The following IQCH variants were observed in gnomAD, a reference collection of about 807,000 sequenced individuals.
IQCH encodes the protein IQ domain-containing protein H.
In IQCH, 98 loss-of-function variants were observed where a neutral mutation model predicts 117.0. The ratio of observed to expected loss-of-function variants is 0.84; its 90% confidence interval spans 0.71 to 0.99. The LOEUF (loss-of-function observed/expected upper bound fraction) is 0.99. Ranked by LOEUF, IQCH falls within the 50% of genes least tolerant of loss-of-function variation. IQCH has a pLI of 0.00. For synonymous variants in IQCH, 412 were observed against 448.2 expected, an observed-to-expected ratio of 0.92 and a Z score of 1.02; for missense variants, 1,102 against 1,243.8, an observed-to-expected ratio of 0.89 and a Z score of 1.72.
At position 67,423,363 on chromosome 15, in the gene IQCH, C is replaced by T. The variant is rs182117294; in HGVS notation, c.2505+1786C>T. On this transcript the variant is annotated intron_variant, in intron 16 of 20. Transcript: ENST00000335894. ...GGCAGATCACTTGACCCCAGGAGTT[C>T]AGGACCAGCCTGGGCAACATAATGG... Among the ~76,000 whole-genome samples the T allele has an allele frequency of 2.0e-5, 3 of 152,078 alleles. No homozygotes were observed. The East Asian group carries it at 5.8e-4, about 29-fold the overall frequency.
intron 3 of IQCH, among the ~76,000 whole-genome samples, chr15:67,276,832 T>C (rs899441940): frequency 6.6e-6 from 1 of 152,184 alleles, no homozygotes; most frequent in African/African-American, 2.4e-5. Context: ...TTCTGGTCAG[T>C]GTTCTCTGAA....
chr15:67,263,290 C>T, intron 3 of IQCH, 74 bp downstream of exon 3: 1 of 759,388 alleles, frequency 1.3e-6, no homozygotes. Flanking sequence ...AGTGAGATGA[C>T]TATAAAATAT....
Position 67,406,394 on chromosome 15 carries a change from T to C in IQCH, c.2097+6089T>C, listed in dbSNP as rs2140881789. On this transcript the variant is annotated intron_variant, in intron 14 of 20. Transcript: ENST00000335894. This position sits in a 1 kb window ranked among gnomAD's most constrained non-coding sequence, Gnocchi z 4.5. ...ACAAAAAATTTAAAAATTAGGTGTG[T>C]GCCTGTAGTTCCAGCTACTTAGGAG... 1 of 152,234 alleles carries C rather than the reference T, an allele frequency of 6.6e-6. No individual in the cohort carries two copies. Among genetic ancestry groups the C allele is most frequent in the East Asian group, 1.9e-4 (1 of 5,168 alleles). 9.4% of individuals were successfully genotyped at this position (152,234 alleles called of 1,614,324 possible).
rs369359029 is a variant in IQCH, at chr15:67,388,989, G to A, written c.1615G>A (p.Ala539Thr). The A allele has an allele frequency of 3.9e-5, 63 of 1,613,348 alleles. No individual in the cohort carries two copies. The African/African-American group carries it at 5.9e-4, about 15-fold the overall frequency. Reference protein sequence around the residue: ...QDRFKIITPEAVNIFPKHHMC... With the variant: ...QDRFKIITPETVNIFPKHHMC... ...CAGGTTCAAAATTATCACACCTGAA[G>A]CTGTAAACATCTTCCCTGTGAGTTT... The change falls in exon 12 of 21, where the codon GCT becomes ACT. Residue 539 changes from alanine (A) to threonine (T), a missense_variant. Around this residue, in one of 2 missense-constraint regions of IQCH, gnomAD observed 650 missense variants for 794.3 expected, o/e 0.82. Transcript: ENST00000335894. This position sits in a 1 kb window ranked among gnomAD's most constrained non-coding sequence, Gnocchi z 5.5.
At chr15:67,321,518 TTTC>T (rs1968131231) in intron 4 of IQCH, among the ~76,000 whole-genome samples, 5 of 143,378 alleles carry the variant, frequency 3.5e-5, no homozygotes, top group Admixed American at 1.3e-4. Flanking sequence ...TTTCTTTTTC[TTTC>T]TTTCTTTCTT....
Position 67,356,712 on chromosome 15 carries a change from G to A in IQCH, c.638-633G>A, listed in dbSNP as rs2140733465. On this transcript the variant is annotated intron_variant, in intron 6 of 20. Coordinates refer to ENST00000335894, the MANE Select transcript of IQCH (RefSeq NM_001031715.3). This position sits in a 1 kb window ranked among gnomAD's most constrained non-coding sequence, Gnocchi z 5.3. ...TTCTCCCCTGAGAATGTCAGACTTG[G>A]GCTTTTGGTAAAGGGCAGTCAGGTT... 2.6e-5 allele frequency among the ~76,000 whole-genome samples: 4 copies of A among 152,210 alleles called. 1 individual carries two copies. Among genetic ancestry groups the A allele is most frequent in the Middle Eastern group, 6.8e-3 (2 of 294 alleles).
Position 67,400,491 on chromosome 15 carries a change from C to CTTTTCTTTTTTTTTTTTTTTTTTTTTT in IQCH, c.2097+190_2097+191insCTTTTTTTTTTTTTTTTTTTTTTTTTT, listed in dbSNP as rs776111763. ...TGGGATTGACTGAGTTCTTTTTTTT[C>CTTTTCTTTTTTTTTTTTTTTTTTTTTT]TTTTTTTTTTTGAGATGGGGCCTCA... On this transcript the variant is annotated intron_variant, in intron 14 of 20. Transcript: ENST00000335894. Among the ~76,000 whole-genome samples, 7 of 115,594 alleles carry CTTTTCTTTTTTTTTTTTTTTTTTTTTT rather than the reference C, an allele frequency of 6.1e-5. 1 individual carries two copies. The highest frequency in any genetic ancestry group is 8.6e-5 in the Non-Finnish European group (5 of 57,978). 75.8% of individuals were successfully genotyped at this position (115,594 alleles called of 152,430 possible). A position where few individuals can be genotyped will look rare whatever the true frequency, so the allele number is the denominator to read the frequency against.
chr15:67,415,385 G>A (rs1177058576), intron 14 of IQCH, among the ~76,000 whole-genome samples: 1 of 152,164 alleles, frequency 6.6e-6, no homozygotes, highest in East Asian at 1.9e-4. Context: ...GTCCTGAGCT[G>A]AGTGTGAGCC....
chr15:67,416,943 G>T lies in IQCH; in HGVS notation c.2110G>T (p.Val704Leu), dbSNP rs765947042. 1.3e-6 allele frequency: 2 copies of T among 1,598,778 alleles called. No homozygotes were observed. The change falls in exon 15 of 21, where the codon GTG (valine) becomes TTG (leucine). Residue 704 changes from valine (V) to leucine (L), a missense_variant. Val to Leu is a conservative substitution (Grantham distance 32). Coordinates refer to ENST00000335894, the MANE Select transcript of IQCH (RefSeq NM_001031715.3). The surrounding 1 kb of genome is among the most constrained non-coding windows in gnomAD (Gnocchi z 5.1). ...RKKWAQEPAL[V>L]KISEELAGIL... ...TTTGTTTCTGCAGGAGCCAGCTTTG[G>T]TGAAGATCTCTGAGGAGCTGGCGGG...
intron 4 of IQCH, among the ~76,000 whole-genome samples, chr15:67,310,780 A>C (rs1967552794): frequency 6.6e-6 from 1 of 152,212 alleles, no homozygotes; most frequent in South Asian, 2.1e-4. Context: ...GATAAAAGTC[A>C]ACAATGAAGC....
chr15:67,449,858 C>T (rs2082476557), intron 16 of IQCH, among the ~76,000 whole-genome samples: 1 of 152,176 alleles, frequency 6.6e-6, no homozygotes, highest in African/African-American at 2.4e-5. Flanking sequence ...TACCCATGAG[C>T]ATGGAATGTT....
In IQCH at chr15:67,494,430, C is replaced by T. The variant is rs2083750410; in HGVS notation, c.2970+64C>T. On this transcript the variant is annotated intron_variant, in intron 20 of 20. Transcript: ENST00000335894. The surrounding 1 kb of genome is among the most constrained non-coding windows in gnomAD (Gnocchi z 5.5). ...ATACAAGGGCTGAAAATACCTCATGCTGTATTGTAAACAAGTGCTAAACCA... is the reference window on the plus strand; with the variant it reads ...ATACAAGGGCTGAAAATACCTCATGTTGTATTGTAAACAAGTGCTAAACCA... The T allele has an allele frequency of 9.0e-7, 1 of 1,110,040 alleles. No individual in the cohort carries two copies. Among genetic ancestry groups the T allele is most frequent in the East Asian group, 2.4e-5 (1 of 41,516 alleles). The allele number at this position is 1,110,040 out of a possible 1,614,324, so 68.8% of individuals were successfully genotyped here.
chr15:67,321,748 C>G (rs1297000672), intron 4 of IQCH, among the ~76,000 whole-genome samples: 1 of 152,148 alleles, frequency 6.6e-6, no homozygotes, highest in African/African-American at 2.4e-5. Context: ...ATTGAATCAA[C>G]CAATCTCAGC....
chr15:67,444,517 A>C (rs1296597372), intron 16 of IQCH, among the ~76,000 whole-genome samples: 2 of 152,218 alleles, frequency 1.3e-5, no homozygotes, highest in Non-Finnish European at 2.9e-5. Flanking sequence ...TACCAGGCAA[A>C]AACCTGCATC....
chr15:67,329,635 T>G (rs1423486503), intron 4 of IQCH, among the ~76,000 whole-genome samples: 1 of 151,806 alleles, frequency 6.6e-6, no homozygotes, highest in African/African-American at 2.4e-5. Flanking sequence ...GCCCAGATAA[T>G]TTTTTTTATT....
At position 67,380,500 on chromosome 15, in the gene IQCH, C is replaced by A. The variant is rs146033806; in HGVS notation, c.1373-4436C>A. 5.4e-3 allele frequency among the ~76,000 whole-genome samples: 815 copies of A among 152,318 alleles called. 2 individuals carry two copies. Among genetic ancestry groups the A allele is most frequent in the Non-Finnish European group, 9.4e-3 (640 of 68,026 alleles). ...AACCCACCTTCTTGCTTTCTAGTAT[C>A]TTGTGCTTTCACACTTGCATAAGTA... On this transcript the variant is annotated intron_variant, in intron 10 of 20. Coordinates refer to ENST00000335894, the MANE Select transcript of IQCH (RefSeq NM_001031715.3).
chr15:67,430,094 G>A lies in IQCH; in HGVS notation c.2505+8517G>A, dbSNP rs2081987843. On this transcript the variant is annotated intron_variant, in intron 16 of 20. Transcript: ENST00000335894. The surrounding 1 kb of genome is among the most constrained non-coding windows in gnomAD (Gnocchi z 5.1). ...GTACCCTAGAAATGGGGAAATTCTA[G>A]GCCTTCAGAGATGGCACGCAGAGTA... Among the ~76,000 whole-genome samples, 1 of 152,104 alleles carries A rather than the reference G, an allele frequency of 6.6e-6. No individual in the cohort carries two copies. Among genetic ancestry groups the A allele is most frequent in the African/African-American group, 2.4e-5 (1 of 41,420 alleles).
chr15:67,442,869 C>G lies in IQCH; in HGVS notation c.2505+21292C>G, dbSNP rs199903640. ...ATAGATAGATAGATAGATAGATATA[C>G]ATATATATATATATAAAATACATAT... On this transcript the variant is annotated intron_variant, in intron 16 of 20. Coordinates refer to ENST00000335894, the MANE Select transcript of IQCH (RefSeq NM_001031715.3). Among the ~76,000 whole-genome samples, 943 of 130,176 alleles carry G rather than the reference C, an allele frequency of 7.2e-3. 3 individuals carry two copies. Among genetic ancestry groups the G allele is most frequent in the East Asian group, 0.019 (86 of 4,462 alleles). 85.4% of individuals were successfully genotyped at this position (130,176 alleles called of 152,430 possible). A position where few individuals can be genotyped will look rare whatever the true frequency, so the allele number is the denominator to read the frequency against.
intron 4 of IQCH, among the ~76,000 whole-genome samples, chr15:67,291,776 G>A (rs1024225699): frequency 6.6e-6 from 1 of 152,172 alleles, no homozygotes; most frequent in Non-Finnish European, 1.5e-5. Flanking sequence ...ATAGATTGGA[G>A]AGAAGAGAAT....
Sources: allele counts gnomAD v4.1 joint callset (sites outside exome capture counted in the v4.1 genomes callset), GRCh38; gene constraint gnomAD v4.1.1; regional missense constraint gnomAD v4.1.1; non-coding constraint Gnocchi (gnomAD v3.1); transcripts MANE v1.5; gene names NCBI Gene and HGNC (gene_info 2026-07-23, HGNC 2026-07-21).